AGO2: variants seen among roughly 807,000 people sequenced by gnomAD.
The protein encoded by AGO2 is argonaute RISC catalytic component 2, also known as protein argonaute-2.
AGO2 carries 5 observed loss-of-function variants against 102.3 expected under a neutral mutation model. The observed-to-expected ratio is 0.05, with a 90% confidence interval of 0.03 to 0.10. The LOEUF (loss-of-function observed/expected upper bound fraction) is 0.10. Among genes scored for constraint, AGO2 ranks in the 10% least tolerant of loss-of-function variants. The pLI is 1.00. For missense variants in AGO2, 541 were observed against 1,183.7 expected, an observed-to-expected ratio of 0.46 and a Z score of 7.97; for synonymous variants, 449 against 473.1, an observed-to-expected ratio of 0.95 and a Z score of 0.66.
In AGO2 at chr8:140,548,835, GT is replaced by G. The variant is rs535336128; in HGVS notation, c.1588+278del. ...CCCCCATCCAGCCAACACGCATGCT[GT>G]ATGATGGGCGGGGTGCCCACCCATG... On this transcript the variant is annotated intron_variant, in intron 12 of 18. Coordinates refer to ENST00000220592, the MANE Select transcript of AGO2 (RefSeq NM_012154.5). Among the ~76,000 whole-genome samples, 881 of 152,314 alleles carry G rather than the reference GT, an allele frequency of 5.8e-3. 3 individuals are homozygous for G. Among genetic ancestry groups the G allele is most frequent in the Non-Finnish European group, 9.1e-3 (620 of 68,014 alleles).
At chr8:140,638,818 TC>T (rs2152114390), upstream of AGO2, among the ~76,000 whole-genome samples, 1 of 152,240 alleles carries the variant, frequency 6.6e-6, no homozygotes, top group East Asian at 1.9e-4. Context: ...CAAGTGATCC[TC>T]CCACCTTGGC....
chr8:140,622,302 C>A (rs1334570768), intron 1 of AGO2, among the ~76,000 whole-genome samples: 5 of 139,792 alleles, frequency 3.6e-5, no homozygotes, highest in African/African-American at 1.4e-4. Context: ...ATGGGGTCTC[C>A]TCTTGGGGGA....
intron 1 of AGO2, among the ~76,000 whole-genome samples, chr8:140,619,606 T>C (rs900778228): frequency 1.3e-5 from 2 of 152,112 alleles, no homozygotes; most frequent in African/African-American, 4.8e-5. Flanking sequence ...CCCAGGCAAC[T>C]CTGGAAAGCA....
At chr8:140,581,577 C>A (rs767790068) in intron 2 of AGO2, among the ~76,000 whole-genome samples, 1 of 151,966 alleles carries the variant, frequency 6.6e-6, no homozygotes. Context: ...TCTAGGAGTA[C>A]CCCCTAAATC....
Position 140,522,011 on chromosome 8 carries a change from T to A in AGO2, c.*10033A>T, listed in dbSNP as rs1412242620. ...AAATTTGCTCTTGGACATTTTTTTTTTTCTTTTCACAGGGGGGCAGTCGGG... is the reference window on the plus strand; with the variant it reads ...AAATTTGCTCTTGGACATTTTTTTTATTCTTTTCACAGGGGGGCAGTCGGG... On this transcript the variant is annotated 3_prime_UTR_variant, in exon 19 of 19. Transcript: ENST00000220592. The A allele has an allele frequency of 5.3e-5, 8 of 152,184 alleles. No homozygotes were observed. 9.4% of individuals were successfully genotyped at this position (152,184 alleles called of 1,614,324 possible). A position where few individuals can be genotyped will look rare whatever the true frequency, so the allele number is the denominator to read the frequency against.
At chr8:140,601,573 T>G (rs1219884579) in intron 1 of AGO2, among the ~76,000 whole-genome samples, 2 of 152,152 alleles carry the variant, frequency 1.3e-5, no homozygotes, top group African/African-American at 4.8e-5. Flanking sequence ...GATTTTCCCT[T>G]TGCTCCGCAA....
chr8:140,585,966 G>C (rs1299194347), intron 1 of AGO2, among the ~76,000 whole-genome samples: 1 of 152,148 alleles, frequency 6.6e-6, no homozygotes, highest in African/African-American at 2.4e-5. Flanking sequence ...GAGACTCCTT[G>C]AATTATTTGC....
chr8:140,586,071 T>C (rs993631200), intron 1 of AGO2, among the ~76,000 whole-genome samples: 7 of 152,268 alleles, frequency 4.6e-5, no homozygotes, highest in African/African-American at 1.7e-4. Context: ...TATGGCAGCA[T>C]GGCCTTCCAC....
chr8:140,547,832 T>C (rs2072928231), intron 12 of AGO2, among the ~76,000 whole-genome samples: 1 of 152,052 alleles, frequency 6.6e-6, no homozygotes, highest in Non-Finnish European at 1.5e-5. Context: ...CTCCTTGGAG[T>C]CCAGACTCCA....
At chr8:140,591,171 G>A (rs1050256197) in intron 1 of AGO2, among the ~76,000 whole-genome samples, 7 of 152,252 alleles carry the variant, frequency 4.6e-5, no homozygotes, top group Admixed American at 2.0e-4. Context: ...GCACTTCTGT[G>A]TTCTGCAGGC....
chr8:140,619,315 G>A (rs577234823), intron 1 of AGO2, among the ~76,000 whole-genome samples: 36 of 152,248 alleles, frequency 2.4e-4, no homozygotes, highest in African/African-American at 8.4e-4. Flanking sequence ...CACCAACAAC[G>A]ACCTCACTTT....
rs367753783 is a variant in AGO2, at chr8:140,549,163, C to T, written c.1539G>A (p.Ala513=). The T allele has an allele frequency of 5.0e-5, 80 of 1,613,060 alleles. No homozygotes were observed. Among genetic ancestry groups the T allele is most frequent in the East Asian group, 4.5e-4 (20 of 44,878 alleles). ...GGATGACCACCACCAGCTGCAGGCC[C>T]GCATACGTGTTCTTCAGGTGCCGGA... ...PMFRHLKNTY[A]GLQLVVVILP... The change falls in exon 12 of 19, where the codon GCG becomes GCA. Residue 513 remains alanine, a synonymous_variant. Transcript: ENST00000220592.
intron 4 of AGO2, among the ~76,000 whole-genome samples, chr8:140,561,888 C>G (rs1381600458): frequency 1.3e-5 from 2 of 152,376 alleles, no homozygotes; most frequent in African/African-American, 4.8e-5. Context: ...CTGAGCTGGC[C>G]TTGCTCCTGC....
Position 140,627,285 on chromosome 8 carries a change from C to T in AGO2, c.22+8200G>A, listed in dbSNP as rs191752000. Among the ~76,000 whole-genome samples, 106 of 152,348 alleles carry T rather than the reference C, an allele frequency of 7.0e-4. 1 individual carries two copies. Among genetic ancestry groups the T allele is most frequent in the South Asian group, 6.2e-4 (3 of 4,816 alleles). ...AGAGTGCTGATGCAAACTCCTCCAA[C>T]AAGTCAACATGATGTTGGAAAGACA... On this transcript the variant is annotated intron_variant, in intron 1 of 18. Transcript: ENST00000220592.
At chr8:140,639,021 G>T (rs1234595619), upstream of AGO2, among the ~76,000 whole-genome samples, 6 of 152,106 alleles carry the variant, frequency 3.9e-5, no homozygotes, top group African/African-American at 1.4e-4. Flanking sequence ...AGGACTACAA[G>T]AGTATCCCAC....
chr8:140,532,848 T>A (rs989592324), intron 17 of AGO2: 4 of 453,102 alleles, frequency 8.8e-6, no homozygotes, highest in African/African-American at 8.0e-5. Flanking sequence ...TACAAAAAAA[T>A]TAGCTAGACA....
At chr8:140,569,660 AC>A (rs2073346500) in intron 3 of AGO2, among the ~76,000 whole-genome samples, 1 of 152,160 alleles carries the variant, frequency 6.6e-6, no homozygotes, top group Admixed American at 6.5e-5. Context: ...TCAAAGAAGA[AC>A]CCAGGAGTTC....
intron 1 of AGO2, among the ~76,000 whole-genome samples, chr8:140,609,774 C>T (rs1467969503): frequency 1.3e-5 from 2 of 152,004 alleles, no homozygotes; most frequent in Admixed American, 6.6e-5. Context: ...AATGACTGCC[C>T]GGAAAAAGAC....
At chr8:140,635,357 C>A (rs2074393221) in intron 1 of AGO2, 128 bp downstream of exon 1, 1 of 547,814 alleles carries the variant, frequency 1.8e-6, no homozygotes, top group Non-Finnish European at 2.3e-6. Flanking sequence ...GGCTCGCCCG[C>A]CCCCGGCCCC....
Sources: gnomAD v4.1 joint callset for allele counts (sites outside exome capture counted in the v4.1 genomes callset) on GRCh38, gnomAD v4.1.1 for gene constraint, MANE v1.5 for transcripts, NCBI Gene and HGNC (gene_info 2026-07-23, HGNC 2026-07-21) for gene names.